Variants in GPC6 observed in about 807,000 individuals in gnomAD.
GPC6 encodes glypican-6.
Under a neutral mutation model 55.2 loss-of-function variants are expected in GPC6, and 14 were observed. That is an observed-to-expected ratio of 0.25 (90% CI 0.17 to 0.40). The LOEUF is 0.40. Ranked by LOEUF, GPC6 falls within the 10% of genes least tolerant of loss-of-function variation. The pLI, the probability that GPC6 is intolerant of heterozygous loss-of-function variation, is 1.00. For synonymous variants in GPC6, 278 were observed against 259.6 expected, an observed-to-expected ratio of 1.07 and a Z score of -0.68; for missense variants, 641 against 708.5, an observed-to-expected ratio of 0.90 and a Z score of 1.08.
chr13:94,304,168 A>G (rs1875818135), intron 5 of GPC6, among the ~76,000 whole-genome samples: 1 of 152,246 alleles, frequency 6.6e-6, no homozygotes, highest in Non-Finnish European at 1.5e-5. Context: ...GGTTTACACC[A>G]TCAGCTTCAG....
chr13:93,239,933 A>G (rs910884041), intron 1 of GPC6, among the ~76,000 whole-genome samples: 1 of 152,068 alleles, frequency 6.6e-6, no homozygotes, highest in Non-Finnish European at 1.5e-5. Flanking sequence ...ACATATTTGT[A>G]TAGTTTTGGG....
chr13:93,364,851 G>A (rs140435068), intron 1 of GPC6, among the ~76,000 whole-genome samples: 6 of 151,782 alleles, frequency 4.0e-5, no homozygotes, highest in Non-Finnish European at 8.8e-5. Flanking sequence ...CTTCTCCTCT[G>A]TTTCTCTGAA....
At chr13:93,760,855 G>A (rs1030987209) in intron 2 of GPC6, among the ~76,000 whole-genome samples, 1 of 152,120 alleles carries the variant, frequency 6.6e-6, no homozygotes, top group African/African-American at 2.4e-5. Context: ...TTTAAAGTTT[G>A]TAAAGCACCA....
intron 1 of GPC6, among the ~76,000 whole-genome samples, chr13:93,387,736 A>G (rs1278355999): frequency 6.6e-6 from 1 of 152,184 alleles, no homozygotes; most frequent in Non-Finnish European, 1.5e-5. Context: ...TAATTTGCTC[A>G]ACCAAACTCT....
intron 6 of GPC6, among the ~76,000 whole-genome samples, chr13:94,323,102 C>G (rs748623099): frequency 6.6e-6 from 1 of 152,062 alleles, no homozygotes; most frequent in African/African-American, 2.4e-5. Flanking sequence ...CGAAAGAAGC[C>G]GGCTCCACAC....
intron 4 of GPC6, among the ~76,000 whole-genome samples, chr13:94,245,406 A>T (rs184963261): frequency 1.6e-3 from 240 of 151,910 alleles, no homozygotes; most frequent in African/African-American, 2.5e-3. Flanking sequence ...TAAAATAAAA[A>T]AAAAAATTTA....
intron 4 of GPC6, among the ~76,000 whole-genome samples, chr13:94,197,209 G>A (rs570778149): frequency 6.6e-6 from 1 of 152,076 alleles, no homozygotes; most frequent in Non-Finnish European, 1.5e-5. Context: ...CTACAGTATT[G>A]AGAAAATCCC....
At chr13:93,897,985 A>C (rs1021619457) in intron 3 of GPC6, among the ~76,000 whole-genome samples, 13 of 152,192 alleles carry the variant, frequency 8.5e-5, no homozygotes, top group African/African-American at 3.1e-4. Context: ...GAGGAATACA[A>C]GAAGCATAAA....
At chr13:93,379,562 T>C (rs940805046) in intron 1 of GPC6, among the ~76,000 whole-genome samples, 1 of 152,218 alleles carries the variant, frequency 6.6e-6, no homozygotes, top group Non-Finnish European at 1.5e-5. Flanking sequence ...TCATTTTTGA[T>C]AATTTCATAT....
chr13:93,335,369 G>A (rs969819810), intron 1 of GPC6, among the ~76,000 whole-genome samples: 1 of 152,122 alleles, frequency 6.6e-6, no homozygotes. Context: ...TTCATTCACG[G>A]TGTTTCATTT....
chr13:93,662,883 G>A (rs1042785823), intron 2 of GPC6, among the ~76,000 whole-genome samples: 1 of 151,936 alleles, frequency 6.6e-6, no homozygotes, highest in African/African-American at 2.4e-5. Flanking sequence ...AAAACACCTA[G>A]GCATGTGCCC....
intron 3 of GPC6, among the ~76,000 whole-genome samples, chr13:93,950,429 T>A (rs2140372069): frequency 6.6e-6 from 1 of 152,310 alleles, no homozygotes; most frequent in African/African-American, 2.4e-5. Context: ...TTTTTCCACC[T>A]ATTAGGCATC....
At chr13:93,638,291 T>C (rs563083922) in intron 2 of GPC6, among the ~76,000 whole-genome samples, 7 of 152,242 alleles carry the variant, frequency 4.6e-5, no homozygotes, top group African/African-American at 1.7e-4. Context: ...GGCATAGCCC[T>C]TTTATGCAAT....
chr13:94,269,497 CA>C (rs766027482), intron 4 of GPC6, among the ~76,000 whole-genome samples: 4 of 152,224 alleles, frequency 2.6e-5, no homozygotes, highest in Non-Finnish European at 5.9e-5. Context: ...AAGTAAAGGT[CA>C]AGTATTTTTG....
chr13:93,343,724 G>A lies in GPC6; in HGVS notation c.160+116108G>A, dbSNP rs374107151. ...TCTCTGAGAAGACCTCTCTTTGCCC[G>A]TTGAATTAGACTACCTGACGTTTCT... On this transcript the variant is annotated intron_variant, in intron 1 of 8. Coordinates refer to ENST00000377047, the MANE Select transcript of GPC6 (RefSeq NM_005708.5). Among the ~76,000 whole-genome samples, 23 of 152,148 alleles carry A rather than the reference G, an allele frequency of 1.5e-4. No homozygotes were observed. In the East Asian group the frequency reaches 2.7e-3, roughly 18 times the overall value.
At chr13:94,369,281 G>A (rs924996159) in intron 6 of GPC6, among the ~76,000 whole-genome samples, 1 of 152,180 alleles carries the variant, frequency 6.6e-6, no homozygotes, top group African/African-American at 2.4e-5. Context: ...GTGGATTTGC[G>A]TCCAGAGATG....
intron 4 of GPC6, among the ~76,000 whole-genome samples, chr13:94,070,847 G>T (rs141652346): frequency 1.3e-5 from 2 of 152,178 alleles, no homozygotes; most frequent in Non-Finnish European, 2.9e-5. Context: ...CCTCTAGTGC[G>T]TCTCAACAAT....
At chr13:94,307,207 A>G (rs1182486439) in intron 6 of GPC6, among the ~76,000 whole-genome samples, 2 of 152,230 alleles carry the variant, frequency 1.3e-5, no homozygotes, top group Non-Finnish European at 2.9e-5. Context: ...AGGGGTAACT[A>G]ACTGTTACAT....
chr13:93,371,381 G>C (rs1008977239), intron 1 of GPC6, among the ~76,000 whole-genome samples: 2 of 152,096 alleles, frequency 1.3e-5, no homozygotes, highest in Non-Finnish European at 2.9e-5. Flanking sequence ...GCAATAATGA[G>C]AGATAATATT....
Sources: allele counts gnomAD v4.1 joint callset (sites outside exome capture counted in the v4.1 genomes callset), GRCh38; gene constraint gnomAD v4.1.1; transcripts MANE v1.5; gene names NCBI Gene and HGNC (gene_info 2026-07-23, HGNC 2026-07-21).